SUSD4: variants seen among roughly 807,000 people sequenced by gnomAD.
SUSD4 encodes the protein sushi domain containing 4, also known as sushi domain-containing protein 4.
Under a neutral mutation model 50.5 loss-of-function variants are expected in SUSD4, and 41 were observed. That is an observed-to-expected ratio of 0.81 (90% CI 0.63 to 1.05). The LOEUF is 1.05. Among genes scored for constraint, SUSD4 ranks in the 50% least tolerant of loss-of-function variants. The probability of loss-of-function intolerance (pLI) is 0.00; values close to 1 mark genes in which losing one functional copy is unlikely to be tolerated. For missense variants in SUSD4, 580 were observed against 634.7 expected (o/e 0.91, Z 0.93); for synonymous variants, 257 against 257.3 (o/e 1.00, Z 0.01).
chr1:223,313,141 G>A (rs1437461658), intron 2 of SUSD4, among the ~76,000 whole-genome samples: 1 of 152,138 alleles, frequency 6.6e-6, no homozygotes, highest in African/African-American at 2.4e-5. Context: ...ATGCTAAAGA[G>A]GTGACTCAGG....
In SUSD4 at chr1:223,221,833, G is replaced by A. The variant is rs1659151697; in HGVS notation, c.*359C>T. ...ACATGATGTGACATGCTTTCAGAGG[G>A]GGCGGGGAGTACTTGCCAGTCAATG... On this transcript the variant is annotated 3_prime_UTR_variant, in exon 9 of 9. Transcript: ENST00000366878. The A allele has an allele frequency of 4.6e-6, 1 of 215,232 alleles. No homozygotes were observed. The highest frequency in any genetic ancestry group is 9.1e-6 in the Non-Finnish European group (1 of 109,978). The allele number at this position is 215,232 out of a possible 1,614,324, so 13.3% of individuals were successfully genotyped here. A position where few individuals can be genotyped will look rare whatever the true frequency, so the allele number is the denominator to read the frequency against.
At chr1:223,353,393 T>G (rs1436327683) in intron 2 of SUSD4, among the ~76,000 whole-genome samples, 7 of 152,212 alleles carry the variant, frequency 4.6e-5, no homozygotes, top group Admixed American at 2.0e-4. Context: ...AATAACTCTG[T>G]TTTGTATTTA....
At chr1:223,258,748 C>T (rs1235144817) in intron 5 of SUSD4, among the ~76,000 whole-genome samples, 2 of 152,226 alleles carry the variant, frequency 1.3e-5, no homozygotes, top group East Asian at 3.9e-4. Flanking sequence ...ATGTATTCCC[C>T]TGTTTCGGAA....
intron 2 of SUSD4, among the ~76,000 whole-genome samples, chr1:223,305,073 T>C (rs1162188487): frequency 6.6e-6 from 1 of 151,902 alleles, no homozygotes; most frequent in Non-Finnish European, 1.5e-5. Flanking sequence ...AGAGTCCTTC[T>C]CTTGGCCACA....
intron 2 of SUSD4, among the ~76,000 whole-genome samples, chr1:223,360,681 C>CT (rs527298209): frequency 5.3e-5 from 8 of 151,682 alleles, no homozygotes; most frequent in African/African-American, 1.7e-4. Context: ...TGGGCACATG[C>CT]TTTTTTTTTC....
At chr1:223,345,440 A>C (rs79224332) in intron 2 of SUSD4, among the ~76,000 whole-genome samples, 28,257 of 151,728 alleles carry the variant, frequency 0.19, 3,168 homozygotes, top group Non-Finnish European at 0.26. Context: ...CCAGGCCCTG[A>C]CGCTCCCTCT....
intron 3 of SUSD4, among the ~76,000 whole-genome samples, chr1:223,276,595 A>T (rs1663292873): frequency 6.6e-6 from 1 of 152,230 alleles, no homozygotes; most frequent in South Asian, 2.1e-4. Context: ...TTCCCTTTCA[A>T]GTCTGGCCAC....
intron 2 of SUSD4, among the ~76,000 whole-genome samples, chr1:223,303,016 T>C (rs1314604784): frequency 2.6e-5 from 4 of 151,954 alleles, no homozygotes; most frequent in African/African-American, 7.3e-5. Context: ...GGCATGGTGG[T>C]ATGCTCCTAT....
chr1:223,332,396 T>A lies in SUSD4; in HGVS notation c.148+30882A>T, dbSNP rs1476710103. ...TCCAACAAGCATCAAAAGGATTAAA[T>A]TGCTTTGGTGAGGTCTCTTACAAAA... is the stretch of plus-strand genomic sequence containing the variant. On this transcript the variant is annotated intron_variant, in intron 2 of 8. Coordinates refer to ENST00000366878, the MANE Select transcript of SUSD4 (RefSeq NM_017982.4). This position sits in a 1 kb window ranked among gnomAD's most constrained non-coding sequence, Gnocchi z 4.0. Among the ~76,000 whole-genome samples the A allele has an allele frequency of 6.6e-6, 1 of 152,190 alleles. No individual in the cohort carries two copies. Among genetic ancestry groups the A allele is most frequent in the Non-Finnish European group, 1.5e-5 (1 of 68,038 alleles).
At chr1:223,341,421 G>A (rs902312133) in intron 2 of SUSD4, among the ~76,000 whole-genome samples, 5 of 152,150 alleles carry the variant, frequency 3.3e-5, no homozygotes, top group East Asian at 1.9e-4. Flanking sequence ...GGCAGCTGCC[G>A]CCAGCAGAGC....
At chr1:223,290,852 C>A (rs949984897) in intron 3 of SUSD4, among the ~76,000 whole-genome samples, 7 of 151,996 alleles carry the variant, frequency 4.6e-5, no homozygotes, top group Non-Finnish European at 1.0e-4. Flanking sequence ...ATTTAAGAAG[C>A]CTATTTTGGT....
intron 7 of SUSD4, among the ~76,000 whole-genome samples, chr1:223,225,418 TG>T (rs1414387359): frequency 4.8e-4 from 73 of 152,186 alleles, no homozygotes; most frequent in African/African-American, 1.3e-3. Flanking sequence ...ATTATGGTGG[TG>T]GACTCCTTGT....
chr1:223,227,698 C>T lies in SUSD4; in HGVS notation c.957G>A (p.Thr319=), dbSNP rs1310714877. 1.9e-6 allele frequency: 3 copies of T among 1,613,412 alleles called. No individual in the cohort carries two copies. The highest frequency in any genetic ancestry group is 8.5e-7 in the Non-Finnish European group (1 of 1,179,780). The change falls in exon 7 of 9, where the codon ACG becomes ACA. Residue 319 remains threonine (T), a synonymous_variant. Transcript: ENST00000366878. The surrounding 1 kb of genome is among the most constrained non-coding windows in gnomAD (Gnocchi z 4.5). The part of the protein sequence containing the change: ...WPSTHETLLT[T]WKIVAFTATS... ...TTGCCGTGAACGCCACAATCTTCCA[C>T]GTGGTCAGGAGGGTCTCATGGGTGC...
At chr1:223,258,036 T>A (rs1170605187) in intron 5 of SUSD4, among the ~76,000 whole-genome samples, 1 of 152,158 alleles carries the variant, frequency 6.6e-6, no homozygotes, top group African/African-American at 2.4e-5. Context: ...GCAGCCTGCC[T>A]CCAGGATCAG....
intron 2 of SUSD4, among the ~76,000 whole-genome samples, chr1:223,360,668 T>C (rs1396128650): frequency 3.9e-5 from 6 of 152,362 alleles, no homozygotes; most frequent in South Asian, 2.1e-4. Flanking sequence ...TCAATACTTG[T>C]ACTGGGCACA....
intron 2 of SUSD4, among the ~76,000 whole-genome samples, chr1:223,324,388 T>C (rs1024992863): frequency 6.6e-6 from 1 of 151,728 alleles, no homozygotes; most frequent in Non-Finnish European, 1.5e-5. Flanking sequence ...AATCACTTCA[T>C]AGTGACTGTT....
At chr1:223,301,746 T>C (rs1558230815) in intron 2 of SUSD4, among the ~76,000 whole-genome samples, 1 of 152,204 alleles carries the variant, frequency 6.6e-6, no homozygotes, top group Non-Finnish European at 1.5e-5. Flanking sequence ...ACCTTGCCTA[T>C]TTTTAAAGAC....
intron 5 of SUSD4, among the ~76,000 whole-genome samples, chr1:223,244,246 G>A (rs772470545): frequency 5.9e-5 from 9 of 152,188 alleles, no homozygotes; most frequent in Non-Finnish European, 1.2e-4. Context: ...GTACTAGCAG[G>A]GGATTAGACA....
chr1:223,291,856 T>C (rs1377948386), intron 3 of SUSD4, among the ~76,000 whole-genome samples: 2 of 152,234 alleles, frequency 1.3e-5, no homozygotes, highest in Non-Finnish European at 2.9e-5. Flanking sequence ...TATAAAGTTG[T>C]TTCAACCAAC....
Sources: gnomAD v4.1 joint callset for allele counts (sites outside exome capture counted in the v4.1 genomes callset) on GRCh38, gnomAD v4.1.1 for gene constraint, Gnocchi (gnomAD v3.1) non-coding constraint, MANE v1.5 for transcripts, NCBI Gene and HGNC (gene_info 2026-07-23, HGNC 2026-07-21) for gene names.